Variants in CHST15 observed in about 807,000 individuals in gnomAD.
CHST15 encodes carbohydrate sulfotransferase 15.
Under a neutral mutation model 53.6 loss-of-function variants are expected in CHST15, and 30 were observed. The ratio of observed to expected loss-of-function variants is 0.56; its 90% CI spans 0.42 to 0.76. The LOEUF is 0.76. Ranked by LOEUF, CHST15 falls within the 30% of genes least tolerant of loss-of-function variation. The pLI, the probability that CHST15 is intolerant of heterozygous loss-of-function variation, is 0.00. For missense variants in CHST15, 627 were observed against 740.5 expected (o/e 0.85, Z 1.78); for synonymous variants, 296 against 289.8 (o/e 1.02, Z -0.22).
At chr10:124,086,764 C>T (rs766774296) in intron 1 of CHST15, among the ~76,000 whole-genome samples, 3 of 152,140 alleles carry the variant, frequency 2.0e-5, no homozygotes, top group African/African-American at 4.8e-5. Flanking sequence ...CTGAATTGTA[C>T]TATTTCAAAT....
At chr10:124,080,689 C>T (rs1011051891) in intron 1 of CHST15, among the ~76,000 whole-genome samples, 4 of 152,336 alleles carry the variant, frequency 2.6e-5, no homozygotes, top group Admixed American at 2.6e-4. Context: ...CAATGTTCTT[C>T]TTGATCAAAG....
intron 1 of CHST15, among the ~76,000 whole-genome samples, chr10:124,052,574 T>G (rs1248152114): frequency 6.6e-6 from 1 of 152,144 alleles, no homozygotes; most frequent in Non-Finnish European, 1.5e-5. Flanking sequence ...AGCACTGGAG[T>G]TAAGAGCCCG....
In CHST15 at chr10:124,011,153, C is replaced by T. The variant is rs907259161; in HGVS notation, c.1496-814G>A. 7 of 937,232 alleles carry T rather than the reference C, an allele frequency of 7.5e-6. No homozygotes were observed. In the African/African-American group the frequency reaches 1.2e-4, roughly 17 times the overall value. 58.1% of individuals were successfully genotyped at this position (937,232 alleles called of 1,614,324 possible). A position where few individuals can be genotyped will look rare whatever the true frequency, so the allele number is the denominator to read the frequency against. ...AACAGCAAGGGCTGCGACCCCAACG[C>T]CCCGCCCTCTGGGCCACAGCTTCTT... On this transcript the variant is annotated intron_variant, in intron 7 of 7. Coordinates refer to ENST00000435907, the MANE Select transcript of CHST15 (RefSeq NM_001270764.2).
intron 6 of CHST15, among the ~76,000 whole-genome samples, chr10:124,017,363 C>T (rs1310174348): frequency 1.3e-5 from 2 of 152,154 alleles, no homozygotes; most frequent in Non-Finnish European, 2.9e-5. Context: ...GCACCTTCTA[C>T]GACCACATTA....
chr10:124,077,867 C>T (rs1387540798), intron 1 of CHST15, among the ~76,000 whole-genome samples: 1 of 152,210 alleles, frequency 6.6e-6, no homozygotes, highest in African/African-American at 2.4e-5. Flanking sequence ...CAGCTCACTA[C>T]ATGGGGATTC....
intron 5 of CHST15, among the ~76,000 whole-genome samples, chr10:124,032,867 T>C (rs1485893205): frequency 1.3e-5 from 2 of 150,208 alleles, no homozygotes; most frequent in African/African-American, 4.9e-5. Context: ...AATTTAAAAG[T>C]GATTTGACTT....
chr10:124,071,331 C>A (rs2134159943), intron 1 of CHST15, among the ~76,000 whole-genome samples: 1 of 152,336 alleles, frequency 6.6e-6, no homozygotes, highest in East Asian at 1.9e-4. Context: ...GGCCTTGTGG[C>A]CATCTATAGG....
chr10:124,084,066 C>T (rs1202771747), intron 1 of CHST15, among the ~76,000 whole-genome samples: 5 of 152,236 alleles, frequency 3.3e-5, no homozygotes, highest in East Asian at 3.9e-4. Context: ...GGAGGCTGCA[C>T]CTTTGCAAGG....
intron 1 of CHST15, among the ~76,000 whole-genome samples, chr10:124,058,357 A>G (rs1274316587): frequency 6.6e-6 from 1 of 152,244 alleles, no homozygotes. Flanking sequence ...GCAGAGGATC[A>G]TGCTAGGTCC....
Position 124,009,263 on chromosome 10 carries a change from A to G in CHST15, c.*886T>C. The stretch of plus-strand genomic sequence containing the variant: ...CTTGAGGTTGCTCATTCTGGCATTA[A>G]CAGCAAAAATTTCTCTTCCAATTAT... On this transcript the variant is annotated 3_prime_UTR_variant, in exon 8 of 8. Transcript: ENST00000435907. The G allele has an allele frequency of 1.8e-6, 2 of 1,086,064 alleles. No individual in the cohort carries two copies. The highest frequency in any genetic ancestry group is 2.3e-6 in the Non-Finnish European group (2 of 884,156). 67.3% of individuals were successfully genotyped at this position (1,086,064 alleles called of 1,614,324 possible).
At chr10:124,038,454 G>A in intron 5 of CHST15, 61 bp downstream of exon 5, 1 of 1,570,364 alleles carries the variant, frequency 6.4e-7, no homozygotes, top group Non-Finnish European at 8.7e-7. Context: ...CATGAGAGGG[G>A]AACACTGTTC....
chr10:124,031,847 G>T (rs746249771), intron 5 of CHST15, among the ~76,000 whole-genome samples: 7 of 152,118 alleles, frequency 4.6e-5, no homozygotes, highest in Non-Finnish European at 7.3e-5. Flanking sequence ...TAAGTTTCTT[G>T]TCCCAGTTTA....
intron 6 of CHST15, 58 bp from the exon 7 acceptor site, chr10:124,012,538 A>G (rs1946448293): frequency 2.6e-6 from 4 of 1,550,294 alleles, no homozygotes; most frequent in Non-Finnish European, 3.5e-6. Flanking sequence ...ACCATAGGGC[A>G]CTTTTCCAAA....
rs1564857994 is a variant in CHST15 at position 124,024,743 on chromosome 10, T to A, written c.1191-3331A>T. Among the ~76,000 whole-genome samples, 1 of 152,186 alleles carries A rather than the reference T, an allele frequency of 6.6e-6. No individual in the cohort carries two copies. On this transcript the variant is annotated intron_variant, in intron 5 of 7. Transcript: ENST00000435907. The surrounding 1 kb of genome is among the most constrained non-coding windows in gnomAD (Gnocchi z 4.0). ...ATGACCTAAATGGCTGGTCAATAAG[T>A]GCCAAAATCAGACACGCGTGAACCT...
intron 1 of CHST15, among the ~76,000 whole-genome samples, chr10:124,057,490 C>T (rs768809979): frequency 1.3e-5 from 2 of 152,130 alleles, no homozygotes; most frequent in African/African-American, 4.8e-5. Context: ...CGTGTCCAGT[C>T]GTACAGGCCT....
At chr10:124,043,559 G>A (rs570663275) in intron 3 of CHST15, among the ~76,000 whole-genome samples, 14 of 152,318 alleles carry the variant, frequency 9.2e-5, no homozygotes, top group African/African-American at 3.1e-4. Flanking sequence ...CCAGGACTCT[G>A]GTTGACAATA....
Position 124,019,791 on chromosome 10 carries a change from T to A in CHST15, c.1347+1465A>T, listed in dbSNP as rs1946706744. 1 of 985,456 alleles carries A rather than the reference T, an allele frequency of 1.0e-6. No homozygotes were observed. Among genetic ancestry groups the A allele is most frequent in the East Asian group, 1.1e-4 (1 of 8,810 alleles). The allele number at this position is 985,456 out of a possible 1,614,324, so 61.0% of individuals were successfully genotyped here. A position where few individuals can be genotyped will look rare whatever the true frequency, so the allele number is the denominator to read the frequency against. On this transcript the variant is annotated intron_variant, in intron 6 of 7. Transcript: ENST00000435907. The surrounding 1 kb of genome is among the most constrained non-coding windows in gnomAD (Gnocchi z 4.6). ...TCTCTCTCAGGGTGATGTCTAGACT[T>A]CTTCTGAGGCTAGACCAGGTGGTGC...
chr10:124,029,394 A>C (rs1278474668), intron 5 of CHST15, among the ~76,000 whole-genome samples: 1 of 152,082 alleles, frequency 6.6e-6, no homozygotes, highest in Non-Finnish European at 1.5e-5. Flanking sequence ...GGTCCTAAAA[A>C]CGCCCAAATG....
At chr10:124,087,632 T>C (rs1949471497) in intron 1 of CHST15, among the ~76,000 whole-genome samples, 1 of 152,214 alleles carries the variant, frequency 6.6e-6, no homozygotes, top group Admixed American at 6.5e-5. Flanking sequence ...TTCAGAGATC[T>C]AAGAGGCCTG....
Sources: gnomAD v4.1 joint callset for allele counts (sites outside exome capture counted in the v4.1 genomes callset) on GRCh38, gnomAD v4.1.1 for gene constraint, Gnocchi (gnomAD v3.1) non-coding constraint, MANE v1.5 for transcripts, NCBI Gene and HGNC (gene_info 2026-07-23, HGNC 2026-07-21) for gene names.